Variants in RAB15 observed in about 807,000 individuals in gnomAD.
RAB15 encodes the protein ras-related protein Rab-15.
Under a neutral mutation model 31.8 loss-of-function variants are expected in RAB15, and 13 were observed. The observed-to-expected ratio is 0.41, with a 90% CI of 0.27 to 0.65. The LOEUF (loss-of-function observed/expected upper bound fraction) is 0.65. RAB15 is among the 30% of genes least tolerant of loss of function. The pLI, the probability that RAB15 is intolerant of heterozygous loss-of-function variation, is 0.32. For synonymous variants in RAB15, 100 were observed against 105.6 expected, an observed-to-expected ratio of 0.95 and a Z score of 0.33; for missense variants, 220 against 277.3, an observed-to-expected ratio of 0.79 and a Z score of 1.47.
At chr14:64,960,071 CTCTG>C (rs907128614) in intron 1 of RAB15, among the ~76,000 whole-genome samples, 7 of 152,192 alleles carry the variant, frequency 4.6e-5, no homozygotes, top group Middle Eastern at 3.2e-3. Context: ...CCTGCTGTGA[CTCTG>C]TCTGTATGGT....
rs189247114 is a variant in RAB15 at position 64,954,049 on chromosome 14, A to C, written c.125-1478T>G. On this transcript the variant is annotated intron_variant, in intron 1 of 6. Transcript: ENST00000533601. This position sits in a 1 kb window ranked among gnomAD's most constrained non-coding sequence, Gnocchi z 4.3. Reference sequence around the variant, plus strand: ...AATTAAATTCTGTCTCTTCCTTCCCACCATCAAGACCAATCATCATTTAAT... The same window carrying C: ...AATTAAATTCTGTCTCTTCCTTCCCCCCATCAAGACCAATCATCATTTAAT... The C allele has an allele frequency of 1.0e-6, 1 of 985,402 alleles. No homozygotes were observed. Among genetic ancestry groups the C allele is most frequent in the Non-Finnish European group, 1.2e-6 (1 of 829,932 alleles). 61.0% of individuals were successfully genotyped at this position (985,402 alleles called of 1,614,324 possible).
chr14:64,961,274 G>T (rs1886839976), intron 1 of RAB15, among the ~76,000 whole-genome samples: 1 of 152,204 alleles, frequency 6.6e-6, no homozygotes, highest in African/African-American at 2.4e-5. Flanking sequence ...CCTGTGGGTT[G>T]TGGCAGGAGG....
Position 64,954,992 on chromosome 14 carries a change from G to A in RAB15, c.125-2421C>T, listed in dbSNP as rs1398136125. Reference sequence around the variant, plus strand: ...GACAGGGTACTCCACCGGAAGTGAGGCTGGGCAGTGACTCCTTCTCACCTC... The same window carrying A: ...GACAGGGTACTCCACCGGAAGTGAGACTGGGCAGTGACTCCTTCTCACCTC... On this transcript the variant is annotated intron_variant, in intron 1 of 6. Coordinates refer to ENST00000533601, the MANE Select transcript of RAB15 (RefSeq NM_001308154.2). The surrounding 1 kb of genome is among the most constrained non-coding windows in gnomAD (Gnocchi z 4.3). Among the ~76,000 whole-genome samples, 12 of 152,110 alleles carry A rather than the reference G, an allele frequency of 7.9e-5. No homozygotes were observed. Among genetic ancestry groups the A allele is most frequent in the Admixed American group, 2.0e-4 (3 of 15,268 alleles).
In RAB15 at chr14:64,950,388, G is replaced by A. The variant is rs1260500928; in HGVS notation, c.351C>T (p.Ile117=). Residue 117 remains isoleucine (I), a synonymous_variant, in exon 5 of 7, where the codon ATC becomes ATT. Transcript: ENST00000533601. The surrounding 1 kb of genome is among the most constrained non-coding windows in gnomAD (Gnocchi z 5.6). ...DEYAPEGVQK[I]LIGNKADEEQ... Reference sequence around the variant, plus strand: ...CCTCATCAGCCTTATTCCCAATAAGGATCTTCTGGACGCCTTCTGGTGCGT... The same window carrying A: ...CCTCATCAGCCTTATTCCCAATAAGAATCTTCTGGACGCCTTCTGGTGCGT... 6.2e-7 allele frequency: 1 copy of A among 1,614,132 alleles called. No homozygotes were observed. Among genetic ancestry groups the A allele is most frequent in the Non-Finnish European group, 8.5e-7 (1 of 1,180,010 alleles).
rs1158003046 is a variant in RAB15 at position 64,971,590 on chromosome 14, C to T, written c.124+363G>A. On this transcript the variant is annotated intron_variant, in intron 1 of 6. Coordinates refer to ENST00000533601, the MANE Select transcript of RAB15 (RefSeq NM_001308154.2). The surrounding 1 kb of genome is among the most constrained non-coding windows in gnomAD (Gnocchi z 4.1). ...CTGACCCCCTTTTCCGTAGCAGAAG[C>T]TTTACTTCCCCTCCCCCTGGGGGTG... Among the ~76,000 whole-genome samples, 1 of 152,150 alleles carries T rather than the reference C, an allele frequency of 6.6e-6. No homozygotes were observed. The highest frequency in any genetic ancestry group is 1.9e-4 in the East Asian group (1 of 5,156).
At chr14:64,964,972 G>T (rs1049291955) in intron 1 of RAB15, among the ~76,000 whole-genome samples, 1 of 151,804 alleles carries the variant, frequency 6.6e-6, no homozygotes, top group East Asian at 1.9e-4. Flanking sequence ...CTGAGACAGG[G>T]TCTCACTCTG....
rs1264075040 is a variant in RAB15, at chr14:64,971,879, A to G, written c.124+74T>C. On this transcript the variant is annotated intron_variant, in intron 1 of 6. Transcript: ENST00000533601. The surrounding 1 kb of genome is among the most constrained non-coding windows in gnomAD (Gnocchi z 4.1). ...CCGGAGGGGCTGGCAATTCCTCCCC[A>G]GCTGGGGACGGGGGCGGCGGGGAAA... 7.1e-7 allele frequency: 1 copy of G among 1,407,766 alleles called. No individual in the cohort carries two copies. Among genetic ancestry groups the G allele is most frequent in the Non-Finnish European group, 9.6e-7 (1 of 1,037,196 alleles). 87.2% of individuals were successfully genotyped at this position (1,407,766 alleles called of 1,614,324 possible).
At position 64,954,710 on chromosome 14, in the gene RAB15, C is replaced by A. The variant is rs1886449476; in HGVS notation, c.125-2139G>T. 6.6e-6 allele frequency among the ~76,000 whole-genome samples: 1 copy of A among 152,168 alleles called. No homozygotes were observed. Among genetic ancestry groups the A allele is most frequent in the South Asian group, 2.1e-4 (1 of 4,820 alleles). On this transcript the variant is annotated intron_variant, in intron 1 of 6. Coordinates refer to ENST00000533601, the MANE Select transcript of RAB15 (RefSeq NM_001308154.2). The surrounding 1 kb of genome is among the most constrained non-coding windows in gnomAD (Gnocchi z 4.3). ...GTCAGCACAGCACGTGCAGAGATTC[C>A]AACACAGGTCCATCTATGCTGGAAC...
At position 64,971,844 on chromosome 14, in the gene RAB15, C is replaced by CCGCCTCCAGTGG; in HGVS notation, c.124+108_124+109insCCACTGGAGGCG. ...TCCCGGACTCCGGCCTCCGGCGCCA[C>CCGCCTCCAGTGG]CGCCTCCAGCCGGAGGGGCTGGCAA... On this transcript the variant is annotated intron_variant, in intron 1 of 6. Coordinates refer to ENST00000533601, the MANE Select transcript of RAB15 (RefSeq NM_001308154.2). The surrounding 1 kb of genome is among the most constrained non-coding windows in gnomAD (Gnocchi z 4.1). The CCGCCTCCAGTGG allele has an allele frequency of 9.1e-7, 1 of 1,097,886 alleles. No individual in the cohort carries two copies. Among genetic ancestry groups the CCGCCTCCAGTGG allele is most frequent in the South Asian group, 1.5e-5 (1 of 67,284 alleles). The allele number at this position is 1,097,886 out of a possible 1,614,324, so 68.0% of individuals were successfully genotyped here.
At position 64,972,301 on chromosome 14, in the gene RAB15, C is replaced by CGGCTT. The variant is rs1176740681; in HGVS notation, c.-226_-225insAAGCC. On this transcript the variant is annotated 5_prime_UTR_variant, in exon 1 of 7. Transcript: ENST00000533601. The surrounding 1 kb of genome is among the most constrained non-coding windows in gnomAD (Gnocchi z 6.3). The stretch of plus-strand genomic sequence containing the variant: ...GGCGCGGCGCCCGCTCGGCTCGGCT[C>CGGCTT]GGCTCGGCTGGGCTGGCGCGAGGCG... The CGGCTT allele has an allele frequency of 2.5e-5, 4 of 159,182 alleles. No individual in the cohort carries two copies. Among genetic ancestry groups the CGGCTT allele is most frequent in the Non-Finnish European group, 5.2e-5 (4 of 76,382 alleles). 9.9% of individuals were successfully genotyped at this position (159,182 alleles called of 1,614,324 possible).
chr14:64,953,110 G>T lies in RAB15; in HGVS notation c.125-539C>A, dbSNP rs1013751433. Among the ~76,000 whole-genome samples the T allele has an allele frequency of 3.9e-5, 6 of 152,146 alleles. No homozygotes were observed. Among genetic ancestry groups the T allele is most frequent in the South Asian group, 2.1e-4 (1 of 4,826 alleles). ...CCTGAAGCCTCAGCACCCAGCCAAG[G>T]CTCACCAAAAAGAAGGCCTCATGCG... is the stretch of plus-strand genomic sequence containing the variant. On this transcript the variant is annotated intron_variant, in intron 1 of 6. Transcript: ENST00000533601. The surrounding 1 kb of genome is among the most constrained non-coding windows in gnomAD (Gnocchi z 4.6).
At chr14:64,959,830 C>CA (rs1382269190) in intron 1 of RAB15, among the ~76,000 whole-genome samples, 2 of 117,556 alleles carry the variant, frequency 1.7e-5, no homozygotes, top group African/African-American at 6.9e-5. Flanking sequence ...GCCTGAGTGA[C>CA]AGAGCAGGAC....
rs1348900735 is a variant in RAB15 at position 64,955,981 on chromosome 14, G to T, written c.125-3410C>A. 6.6e-6 allele frequency among the ~76,000 whole-genome samples: 1 copy of T among 152,222 alleles called. No individual in the cohort carries two copies. Among genetic ancestry groups the T allele is most frequent in the Non-Finnish European group, 1.5e-5 (1 of 68,042 alleles). ...TTCTGATCTGGTAGGTGTAGGGCAAGGCCTGAGATGCTGCAGGAAGCTCCC... is the reference window on the plus strand; with the variant it reads ...TTCTGATCTGGTAGGTGTAGGGCAATGCCTGAGATGCTGCAGGAAGCTCCC... On this transcript the variant is annotated intron_variant, in intron 1 of 6. Coordinates refer to ENST00000533601, the MANE Select transcript of RAB15 (RefSeq NM_001308154.2). This position sits in a 1 kb window ranked among gnomAD's most constrained non-coding sequence, Gnocchi z 4.4.
intron 1 of RAB15, among the ~76,000 whole-genome samples, chr14:64,966,988 TA>T (rs1402796806): frequency 6.6e-6 from 1 of 152,142 alleles, no homozygotes; most frequent in African/African-American, 2.4e-5. Flanking sequence ...CAGTGTCTGT[TA>T]GGTCACCCCA....
Position 64,955,396 on chromosome 14 carries a change from G to A in RAB15, c.125-2825C>T, listed in dbSNP as rs910675290. The stretch of plus-strand genomic sequence containing the variant: ...CTGGCCCCAGTAACCCGTGCCCATC[G>A]TGGCTCCTTCCCTCTCCCTGCGTGG... On this transcript the variant is annotated intron_variant, in intron 1 of 6. Coordinates refer to ENST00000533601, the MANE Select transcript of RAB15 (RefSeq NM_001308154.2). The surrounding 1 kb of genome is among the most constrained non-coding windows in gnomAD (Gnocchi z 4.4). Among the ~76,000 whole-genome samples, 5 of 152,132 alleles carry A rather than the reference G, an allele frequency of 3.3e-5. No individual in the cohort carries two copies. The highest frequency in any genetic ancestry group is 1.9e-4 in the East Asian group (1 of 5,190).
At chr14:64,966,208 C>G (rs1010864489) in intron 1 of RAB15, among the ~76,000 whole-genome samples, 3 of 152,242 alleles carry the variant, frequency 2.0e-5, no homozygotes, top group Non-Finnish European at 2.9e-5. Flanking sequence ...CTGTTTTGGT[C>G]ACCACTGTGT....
chr14:64,961,984 G>A (rs1226497372), intron 1 of RAB15, among the ~76,000 whole-genome samples: 1 of 151,974 alleles, frequency 6.6e-6, no homozygotes, highest in Admixed American at 6.5e-5. Context: ...GGAGGCAGAG[G>A]CAGGCAGGTC....
Position 64,948,528 on chromosome 14 carries a change from C to T in RAB15, c.481-16G>A, listed in dbSNP as rs1217598065. 1.2e-6 allele frequency: 2 copies of T among 1,603,374 alleles called. No individual in the cohort carries two copies. Among genetic ancestry groups the T allele is most frequent in the Non-Finnish European group, 8.5e-7 (1 of 1,174,438 alleles). On this transcript the variant is annotated splice_polypyrimidine_tract_variant and intron_variant, in intron 6 of 6. Coordinates refer to ENST00000533601, the MANE Select transcript of RAB15 (RefSeq NM_001308154.2). This position sits in a 1 kb window ranked among gnomAD's most constrained non-coding sequence, Gnocchi z 7.0. ...GCGTGAATGACTGGAAACCAAAGGG[C>T]ACAGGTTAGTCCAGTGTCTCCTCCT... is the stretch of plus-strand genomic sequence containing the variant.
At chr14:64,967,210 G>A (rs928550151) in intron 1 of RAB15, among the ~76,000 whole-genome samples, 2 of 152,190 alleles carry the variant, frequency 1.3e-5, no homozygotes, top group Non-Finnish European at 2.9e-5. Flanking sequence ...CAGAAGGAGT[G>A]TAGCCTGGAG....
Sources: gnomAD v4.1 joint callset for allele counts (sites outside exome capture counted in the v4.1 genomes callset) on GRCh38, gnomAD v4.1.1 for gene constraint, Gnocchi (gnomAD v3.1) non-coding constraint, MANE v1.5 for transcripts, NCBI Gene and HGNC (gene_info 2026-07-23, HGNC 2026-07-21) for gene names.